The following FAM151A variants were observed in gnomAD, a reference collection of about 807,000 sequenced individuals.
The protein encoded by FAM151A is family with sequence similarity 151 member A, also known as protein FAM151A.
Under a neutral mutation model 40.4 loss-of-function variants are expected in FAM151A, and 41 were observed. That is an observed-to-expected ratio of 1.01 (90% CI 0.79 to 1.32). The LOEUF is 1.32. Among genes scored for constraint, FAM151A ranks in the 40% most tolerant of loss-of-function variants. The pLI, the probability that FAM151A is intolerant of heterozygous loss-of-function variation, is 0.00. For synonymous variants in FAM151A, 337 were observed against 312.5 expected (o/e 1.08, Z -0.83); for missense variants, 740 against 740.4 (o/e 1.00, Z 0.01).
In FAM151A at chr1:54,611,685, G is replaced by A. The variant is rs201642339; in HGVS notation, c.861C>T (p.Tyr287=). ...GGTGGACAGCAGTGTTATCCCGGACGTAGAGCAGATCTTCCACCGACATGG... is the reference window on the plus strand; with the variant it reads ...GGTGGACAGCAGTGTTATCCCGGACATAGAGCAGATCTTCCACCGACATGG... The part of the protein sequence containing the change: ...SDPMSVEDLL[Y]VRDNTAVHQV... Residue 287 remains tyrosine, a synonymous_variant, in exon 6 of 8, where the codon TAC becomes TAT. Transcript: ENST00000302250. 4.0e-5 allele frequency: 65 copies of A among 1,614,098 alleles called. No individual in the cohort carries two copies. The highest frequency in any genetic ancestry group is 1.8e-4 in the East Asian group (8 of 44,850).
chr1:54,620,713 G>A (rs1022273479), intron 1 of FAM151A, among the ~76,000 whole-genome samples: 4 of 151,312 alleles, frequency 2.6e-5, no homozygotes, highest in Non-Finnish European at 4.4e-5. Flanking sequence ...GATGGACGTG[G>A]TGGCAGGAGC....
chr1:54,613,503 GTCTCAAAC>G (rs1331008648), intron 4 of FAM151A, among the ~76,000 whole-genome samples: 4 of 151,532 alleles, frequency 2.6e-5, no homozygotes, highest in Non-Finnish European at 4.4e-5. Flanking sequence ...GCCCAGGCTG[GTCTCAAAC>G]TCCTGAGTTC....
At chr1:54,617,567 T>A (rs932409527) in intron 2 of FAM151A, among the ~76,000 whole-genome samples, 9 of 151,950 alleles carry the variant, frequency 5.9e-5, no homozygotes, top group African/African-American at 2.2e-4. Context: ...CCTGCCAGAT[T>A]TTCCAATTTC....
intron 7 of FAM151A, chr1:54,610,181 G>A (rs776735122): frequency 8.4e-6 from 12 of 1,432,758 alleles, no homozygotes; most frequent in South Asian, 3.0e-5. Context: ...GGCTGGTGCC[G>A]GCCTTGCCTG....
chr1:54,610,370 G>A, intron 7 of FAM151A, 42 bp downstream of exon 7: 1 of 1,602,330 alleles, frequency 6.2e-7, no homozygotes, highest in Non-Finnish European at 8.5e-7. Context: ...GGACACCCCT[G>A]CAGATGAGCT....
Position 54,609,700 on chromosome 1 carries a change from C to A in FAM151A, c.1326G>T (p.Trp442Cys). Residue 442 changes from tryptophan (W) to cysteine (C), a missense_variant, in exon 8 of 8, where the codon TGG becomes TGT. Physicochemically the swap from Trp to Cys is radical, Grantham distance 215. Coordinates refer to ENST00000302250, the MANE Select transcript of FAM151A (RefSeq NM_176782.3). ...SSLGLLHWPVWVGAKISHGSF... is the reference protein window; with the variant it reads ...SSLGLLHWPVCVGAKISHGSF... Reference sequence around the variant, plus strand: ...TCCCGTGGGAGATTTTGGCCCCAACCCACACAGGCCAATGCAAGAGGCCAA... The same window carrying A: ...TCCCGTGGGAGATTTTGGCCCCAACACACACAGGCCAATGCAAGAGGCCAA... 1 of 1,614,092 alleles carries A rather than the reference C, an allele frequency of 6.2e-7. No homozygotes were observed. The highest frequency in any genetic ancestry group is 1.1e-5 in the South Asian group (1 of 91,088).
intron 7 of FAM151A, 38 bp from the exon 8 acceptor site, chr1:54,609,979 GGGTTATCATAA>G (rs1237096762): frequency 6.3e-7 from 1 of 1,577,668 alleles, no homozygotes; most frequent in Non-Finnish European, 8.6e-7. Flanking sequence ...TTTAGGATTT[GGGTTATCATAA>G]GGTGTTAAGA....
rs551321687 is a variant in FAM151A at position 54,623,157 on chromosome 1, A to G, written c.118+121T>C. On this transcript the variant is annotated intron_variant, in intron 1 of 7. Transcript: ENST00000302250. ...GTGCCATTGTACTCCAGCCTGGGCAACAAGAGCAAAACTCCGTCTAAAAAA... is the reference window on the plus strand; with the variant it reads ...GTGCCATTGTACTCCAGCCTGGGCAGCAAGAGCAAAACTCCGTCTAAAAAA... 1.0e-3 allele frequency: 686 copies of G among 677,428 alleles called. 3 individuals carry two copies. Among genetic ancestry groups the G allele is most frequent in the Non-Finnish European group, 5.0e-4 (197 of 393,310 alleles). 42.0% of individuals were successfully genotyped at this position (677,428 alleles called of 1,614,324 possible).
intron 5 of FAM151A, 114 bp downstream of exon 5, chr1:54,612,372 C>A (rs2101015707): frequency 1.4e-6 from 1 of 714,892 alleles, no homozygotes. Context: ...GGCATGAGCA[C>A]TGGCAGGGGT....
chr1:54,611,480 G>A (rs1026660409), intron 6 of FAM151A, 126 bp downstream of exon 6: 36 of 867,094 alleles, frequency 4.2e-5, no homozygotes, highest in Non-Finnish European at 5.6e-5. Context: ...AAATGCAGCC[G>A]CCTCCTGTCC....
In FAM151A at chr1:54,614,763, C is replaced by T. The variant is rs1221473600; in HGVS notation, c.512G>A (p.Trp171Ter). Residue 171 changes from tryptophan (W) to a stop codon, truncating the protein, a stop_gained, in exon 4 of 8, where the codon TGG becomes TAG. Transcript: ENST00000302250. LOFTEE classifies it high-confidence loss of function. ...TEEGKVRRPIWINADILKGPN... is the reference protein window; with the variant it reads ...TEEGKVRRPI ...GCCCTTTAAGATGTCAGCGTTGATC[C>T]ATATGGGCCGCCGGACTTTGCCTTC... The T allele has an allele frequency of 3.1e-6, 5 of 1,614,090 alleles. No individual in the cohort carries two copies. In the South Asian group the frequency reaches 4.4e-5, roughly 14 times the overall value.
rs764478876 is a variant in FAM151A at position 54,611,723 on chromosome 1, C to T, written c.823G>A (p.Ala275Thr). Residue 275 changes from alanine to threonine, a missense_variant, in exon 6 of 8, where the codon GCT (alanine) becomes ACT (threonine). By Grantham distance (58) the Ala-to-Thr change is moderately conservative. Transcript: ENST00000302250. ...TCCACCGACATGGGGTCCGAGGCAGCCTGCCACAGCGTCAGGCTGTACCTG... is the reference window on the plus strand; with the variant it reads ...TCCACCGACATGGGGTCCGAGGCAGTCTGCCACAGCGTCAGGCTGTACCTG... Reference protein sequence around the residue: ...SERYSLTLWQAASDPMSVEDL... With the variant: ...SERYSLTLWQTASDPMSVEDL... 3.1e-6 allele frequency: 5 copies of T among 1,614,130 alleles called. No homozygotes were observed. Among genetic ancestry groups the T allele is most frequent in the Non-Finnish European group, 4.2e-6 (5 of 1,179,998 alleles).
Position 54,614,803 on chromosome 1 carries a change from G to A in FAM151A, c.472C>T (p.Arg158Trp), listed in dbSNP as rs759252009. ...ACTTTGCCTTCCTCTGTCAGCTGCC[G>A]CAGGAGGTCCAGGGAGGGGCCCACT... The part of the protein sequence containing the change: ...KAVGPSLDLL[R>W]QLTEEGKVRR... Residue 158 changes from arginine (R) to tryptophan (W), a missense_variant, in exon 4 of 8, where the codon CGG becomes TGG. Physicochemically the swap from Arg to Trp is moderately radical, Grantham distance 101 (BLOSUM62 -3). Transcript: ENST00000302250. 29 of 1,614,032 alleles carry A rather than the reference G, an allele frequency of 1.8e-5. 1 individual carries two copies. Among genetic ancestry groups the A allele is most frequent in the South Asian group, 5.5e-5 (5 of 91,082 alleles).
chr1:54,623,176 T>TA (rs113750458), intron 1 of FAM151A, 102 bp downstream of exon 1: 43,434 of 636,954 alleles, frequency 0.068, 206 homozygotes, highest in East Asian at 0.11. Context: ...AAACTCCGTC[T>TA]AAAAAAAAAA....
intron 4 of FAM151A, among the ~76,000 whole-genome samples, chr1:54,612,944 G>A (rs1702014): frequency 0.79 from 119,910 of 151,950 alleles, 49,044 homozygotes; most frequent in Non-Finnish European, 0.91. Context: ...AGGTAACTCA[G>A]CCTCATAGAC....
chr1:54,609,245 G>A lies in FAM151A; in HGVS notation c.*23C>T, dbSNP rs989681583. On this transcript the variant is annotated 3_prime_UTR_variant, in exon 8 of 8. Coordinates refer to ENST00000302250, the MANE Select transcript of FAM151A (RefSeq NM_176782.3). Reference sequence around the variant, plus strand: ...GTGGGAAGCCTCCGCCCTGAGGTCCGCTGGCCCACCACCCCTGGGTGCTCA... The same window carrying A: ...GTGGGAAGCCTCCGCCCTGAGGTCCACTGGCCCACCACCCCTGGGTGCTCA... 2.8e-5 allele frequency: 45 copies of A among 1,593,476 alleles called. 1 individual carries two copies. Among genetic ancestry groups the A allele is most frequent in the Non-Finnish European group, 3.5e-5 (41 of 1,168,038 alleles).
At chr1:54,622,881 G>A (rs1297804698) in intron 1 of FAM151A, among the ~76,000 whole-genome samples, 1 of 151,934 alleles carries the variant, frequency 6.6e-6, no homozygotes, top group African/African-American at 2.4e-5. Context: ...GAGGGCTCAA[G>A]AAGAGCTGGT....
In FAM151A at chr1:54,609,295, G is replaced by A. The variant is rs1644080610; in HGVS notation, c.1731C>T (p.Asp577=). 1 of 1,609,026 alleles carries A rather than the reference G, an allele frequency of 6.2e-7. No individual in the cohort carries two copies. Residue 577 remains aspartate (D), a synonymous_variant, in exon 8 of 8, where the codon GAC becomes GAT. Transcript: ENST00000302250. The part of the protein sequence containing the change: ...YYRLPQGYHK[D]LLAHVGRN ...AGTTTCTACCAACATGAGCCAGCAAGTCCTTGTGGTAGCCCTGGGGTAGCC... is the reference window on the plus strand; with the variant it reads ...AGTTTCTACCAACATGAGCCAGCAAATCCTTGTGGTAGCCCTGGGGTAGCC...
chr1:54,622,203 G>C (rs1009238643), intron 1 of FAM151A, among the ~76,000 whole-genome samples: 1 of 151,380 alleles, frequency 6.6e-6, no homozygotes, highest in Non-Finnish European at 1.5e-5. Flanking sequence ...TTGAGCCCAG[G>C]GGGTGGAGGT....
Sources: gnomAD v4.1 joint callset for allele counts (sites outside exome capture counted in the v4.1 genomes callset) on GRCh38, gnomAD v4.1.1 for gene constraint, MANE v1.5 for transcripts, NCBI Gene and HGNC (gene_info 2026-07-23, HGNC 2026-07-21) for gene names.